MTMR8: variants seen among roughly 807,000 people sequenced by gnomAD.
MTMR8 encodes myotubularin related protein 8.
A neutral mutation model predicts 39.3 loss-of-function variants in MTMR8; 65 were observed. That is an observed-to-expected ratio of 1.65 (90% CI 1.35 to 2.03). The LOEUF (loss-of-function observed/expected upper bound fraction) is 2.03. Ranked by LOEUF, MTMR8 falls within the 30% of genes most tolerant of loss-of-function variation. The pLI is 0.00. For synonymous variants in MTMR8, 245 were observed against 185.2 expected, an observed-to-expected ratio of 1.32 and a Z score of -2.62; for missense variants, 777 against 538.9, an observed-to-expected ratio of 1.44 and a Z score of -4.37.
intron 4 of MTMR8, among the ~76,000 whole-genome samples, chrX:64,354,407 AT>A (rs1923567884): frequency 9.0e-6 from 1 of 111,658 alleles, no homozygotes. Context: ...CTGTATAAAA[AT>A]ATCACATGTA....
chrX:64,343,125 A>G (rs1923260404), intron 8 of MTMR8, among the ~76,000 whole-genome samples: 1 of 111,789 alleles, frequency 8.9e-6, no homozygotes, highest in African/African-American at 3.3e-5. Flanking sequence ...ACTCATAGAT[A>G]CATAAGCTCT....
chrX:64,268,918 G>T lies in MTMR8; in HGVS notation c.1734C>A (p.Asp578Glu). The T allele has an allele frequency of 2.5e-6, 3 of 1,211,564 alleles. No homozygotes were observed. The highest frequency in any genetic ancestry group is 3.4e-6 in the Non-Finnish European group (3 of 895,504). ...TGCCATTCTCCATCAGGGTATTCAG[G>T]TCTCCATTGATACCCATAAAGCCAA... ...NPLGFMGING[D>E]LNTLMENGTL... The change falls in exon 14 of 14, where the codon GAC becomes GAA. Residue 578 changes from aspartate to glutamate, a missense_variant. Transcript: ENST00000374852.
intron 1 of MTMR8, among the ~76,000 whole-genome samples, chrX:64,391,050 T>A (rs959200111): frequency 1.2e-4 from 14 of 112,192 alleles, no homozygotes; most frequent in African/African-American, 4.5e-4. Flanking sequence ...AACATTTCCA[T>A]CATTCCAAAA....
At chrX:64,344,722 A>G (rs1277173969) in intron 7 of MTMR8, among the ~76,000 whole-genome samples, 3 of 111,704 alleles carry the variant, frequency 2.7e-5, no homozygotes, top group Non-Finnish European at 1.9e-5. Context: ...TGAATCCCAA[A>G]TTTATTTAAT....
intron 12 of MTMR8, among the ~76,000 whole-genome samples, chrX:64,303,841 A>G (rs1921986719): frequency 8.9e-6 from 1 of 112,054 alleles, no homozygotes; most frequent in Non-Finnish European, 1.9e-5. Flanking sequence ...CTTCTTCTCT[A>G]CAGGACCCAA....
At chrX:64,283,777 G>A (rs1294340417) in intron 12 of MTMR8, among the ~76,000 whole-genome samples, 2 of 112,448 alleles carry the variant, frequency 1.8e-5, no homozygotes, top group African/African-American at 3.2e-5. Flanking sequence ...ACTGTTAAAA[G>A]GAAAACTAAC....
rs185897135 is a variant in MTMR8, at chrX:64,312,112, T to G, written c.1481+16660A>C. ...CCTTGGGCAGTATGGCCATTTTCAC[T>G]ATATTGATTCTTCCTACCCATGAGC... On this transcript the variant is annotated intron_variant, in intron 12 of 13. Transcript: ENST00000374852. Among the ~76,000 whole-genome samples, 231 of 111,545 alleles carry G rather than the reference T, an allele frequency of 2.1e-3. 1 individual carries two copies. The highest frequency in any genetic ancestry group is 3.4e-3 in the Non-Finnish European group (182 of 53,099).
At chrX:64,289,872 C>T (rs901666385) in intron 12 of MTMR8, among the ~76,000 whole-genome samples, 2 of 110,471 alleles carry the variant, frequency 1.8e-5, no homozygotes, top group Admixed American at 1.9e-4. Flanking sequence ...GGGGACACTA[C>T]GCTAAGTAAA....
intron 12 of MTMR8, among the ~76,000 whole-genome samples, chrX:64,290,392 A>G (rs1467270786): frequency 1.8e-5 from 2 of 110,743 alleles, no homozygotes; most frequent in East Asian, 5.7e-4. Flanking sequence ...TTTACTTATA[A>G]CATTTATTAC....
chrX:64,283,037 C>A (rs910353457), intron 12 of MTMR8, among the ~76,000 whole-genome samples: 3 of 111,991 alleles, frequency 2.7e-5, no homozygotes, highest in African/African-American at 6.5e-5. Flanking sequence ...ATCGCCTCAC[C>A]CAGGAAGCGC....
At chrX:64,393,410 T>C (rs1465106455) in intron 1 of MTMR8, among the ~76,000 whole-genome samples, 2 of 112,148 alleles carry the variant, frequency 1.8e-5, no homozygotes, top group African/African-American at 6.5e-5. Context: ...CCAATTTCCA[T>C]AGAGCCAGCC....
intron 5 of MTMR8, 124 bp from the exon 6 acceptor site, chrX:64,348,918 C>A: frequency 2.6e-6 from 2 of 754,857 alleles, no homozygotes; most frequent in Non-Finnish European, 3.8e-6. Flanking sequence ...GTGTCCAAAG[C>A]AAAGAGAAAT....
chrX:64,268,643 A>G lies in MTMR8; in HGVS notation c.2009T>C (p.Leu670Ser). ...ISEATGISGN[L>S]GISEARGFSG... ...GAAACCCCTGGCCTCAGAAATACCCAAGTTTCCAGAGATGCCAGTGGCCTC... is the reference window on the plus strand; with the variant it reads ...GAAACCCCTGGCCTCAGAAATACCCGAGTTTCCAGAGATGCCAGTGGCCTC... The change falls in exon 14 of 14, where the codon TTG becomes TCG. Residue 670 changes from leucine to serine, a missense_variant. By Grantham distance (145) the Leu-to-Ser change is moderately radical. Transcript: ENST00000374852. 2 of 1,211,314 alleles carry G rather than the reference A, an allele frequency of 1.7e-6. No individual in the cohort carries two copies. The highest frequency in any genetic ancestry group is 1.1e-6 in the Non-Finnish European group (1 of 895,418).
intron 1 of MTMR8, among the ~76,000 whole-genome samples, chrX:64,388,106 C>T (rs934904442): frequency 3.6e-5 from 4 of 111,866 alleles, no homozygotes; most frequent in Admixed American, 9.5e-5. Flanking sequence ...ATCAGGTGTA[C>T]TTCAGAGGTC....
chrX:64,333,710 C>A (rs1202887742), intron 10 of MTMR8, among the ~76,000 whole-genome samples: 1 of 111,733 alleles, frequency 8.9e-6, no homozygotes, highest in Non-Finnish European at 1.9e-5. Context: ...TACTCACATT[C>A]CACTTCTTCA....
chrX:64,334,887 A>G (rs1336000799), intron 10 of MTMR8, among the ~76,000 whole-genome samples: 2 of 111,865 alleles, frequency 1.8e-5, no homozygotes, highest in Non-Finnish European at 3.8e-5. Flanking sequence ...CTCTGTCTTA[A>G]GCACTTATCA....
chrX:64,392,860 GTC>G (rs1288708868), intron 1 of MTMR8, among the ~76,000 whole-genome samples: 5 of 111,147 alleles, frequency 4.5e-5, no homozygotes, highest in Admixed American at 3.8e-4. Context: ...CAAGGCAGAT[GTC>G]TCTCTCTTTT....
In MTMR8 at chrX:64,268,582, G is replaced by C. The variant is rs772021955; in HGVS notation, c.2070C>G (p.Ile690Met). The change falls in exon 14 of 14, where the codon ATC (isoleucine) becomes ATG (methionine). Residue 690 changes from isoleucine (I) to methionine (M), a missense_variant. Coordinates refer to ENST00000374852, the MANE Select transcript of MTMR8 (RefSeq NM_017677.4). ...CTGCCTCCTTGGTGCTGGCCTTGGA[G>C]ATGCCTGTGTCCCCCAAGATGCCCA... ...GDMGILGDTG[I>M]SKASTKEADY... 4.8e-5 allele frequency: 58 copies of C among 1,208,870 alleles called. No individual in the cohort carries two copies. Among genetic ancestry groups the C allele is most frequent in the Admixed American group, 4.4e-4 (20 of 45,571 alleles).
chrX:64,273,873 A>G (rs1336919013), intron 12 of MTMR8, among the ~76,000 whole-genome samples: 1 of 112,008 alleles, frequency 8.9e-6, no homozygotes, highest in Non-Finnish European at 1.9e-5. Context: ...AGAATTTTAT[A>G]TAATGACGAA....
Sources: allele counts gnomAD v4.1 joint callset (sites outside exome capture counted in the v4.1 genomes callset), GRCh38; gene constraint gnomAD v4.1.1; transcripts MANE v1.5; gene names NCBI Gene and HGNC (gene_info 2026-07-23, HGNC 2026-07-21).